The following KCNT2 variants were observed in gnomAD, a reference collection of about 807,000 sequenced individuals.
KCNT2 encodes potassium sodium-activated channel subfamily T member 2, also known as potassium channel subfamily T member 2.
KCNT2 carries 67 observed loss-of-function variants against 153.8 expected under a neutral mutation model. The observed-to-expected ratio is 0.44, with a 90% CI of 0.36 to 0.53. KCNT2 has a LOEUF of 0.53. KCNT2 is among the 20% of genes least tolerant of loss of function. KCNT2 has a pLI of 0.00. For missense variants in KCNT2, 975 were observed against 1,354.8 expected, an observed-to-expected ratio of 0.72 and a Z score of 4.40; for synonymous variants, 500 against 458.8, an observed-to-expected ratio of 1.09 and a Z score of -1.15.
chr1:196,420,571 A>G (rs1024136787), intron 12 of KCNT2, among the ~76,000 whole-genome samples: 5 of 151,912 alleles, frequency 3.3e-5, no homozygotes, highest in African/African-American at 1.2e-4. Flanking sequence ...GGGGAACACC[A>G]GGTTTCATAT....
chr1:196,247,996 T>A (rs1006862047), intron 26 of KCNT2, among the ~76,000 whole-genome samples: 2 of 152,116 alleles, frequency 1.3e-5, no homozygotes, highest in African/African-American at 4.8e-5. Flanking sequence ...ACAAGAGAAC[T>A]ATGAAAACTA....
chr1:196,517,717 T>G (rs1413947023), intron 1 of KCNT2, among the ~76,000 whole-genome samples: 1 of 151,022 alleles, frequency 6.6e-6, no homozygotes, highest in Non-Finnish European at 1.5e-5. Flanking sequence ...CAGACAAAAA[T>G]AAAGAAAAAA....
intron 25 of KCNT2, among the ~76,000 whole-genome samples, chr1:196,278,133 T>G (rs1053120306): frequency 2.0e-5 from 3 of 152,146 alleles, no homozygotes; most frequent in African/African-American, 7.2e-5. Context: ...CTTTCATGTA[T>G]CAGACCATAA....
chr1:196,424,604 A>C (rs1207302603), intron 11 of KCNT2, among the ~76,000 whole-genome samples: 1 of 151,992 alleles, frequency 6.6e-6, no homozygotes, highest in East Asian at 1.9e-4. Flanking sequence ...AAAAGATGAA[A>C]ATACTCACAA....
At chr1:196,258,039 T>G in intron 26 of KCNT2, 155 bp downstream of exon 26, 2 of 1,426,272 alleles carry the variant, frequency 1.4e-6, no homozygotes, top group Non-Finnish European at 1.8e-6. Context: ...TCATCATCAT[T>G]TAAATTTTCT....
intron 12 of KCNT2, among the ~76,000 whole-genome samples, chr1:196,403,763 A>G (rs1671611068): frequency 6.6e-6 from 1 of 151,554 alleles, no homozygotes; most frequent in Non-Finnish European, 1.5e-5. Flanking sequence ...ATTTTTTTAA[A>G]AAGTAAGTGA....
At chr1:196,382,046 G>T (rs1011556131) in intron 13 of KCNT2, among the ~76,000 whole-genome samples, 1 of 146,820 alleles carries the variant, frequency 6.8e-6, no homozygotes, top group South Asian at 2.2e-4. Flanking sequence ...CTGAGGGAAT[G>T]AAAAAAGCCT....
At chr1:196,289,121 T>G (rs1659950667) in intron 22 of KCNT2, among the ~76,000 whole-genome samples, 1 of 152,074 alleles carries the variant, frequency 6.6e-6, no homozygotes, top group Admixed American at 6.6e-5. Context: ...TTGAATATGC[T>G]AAATTATATA....
intron 1 of KCNT2, among the ~76,000 whole-genome samples, chr1:196,535,052 G>A (rs1296698848): frequency 6.6e-6 from 1 of 152,048 alleles, no homozygotes; most frequent in Admixed American, 6.6e-5. Context: ...ATTATTTAAT[G>A]TGAACAAAGT....
intron 1 of KCNT2, among the ~76,000 whole-genome samples, chr1:196,501,758 TTAAAAA>T (rs1284879254): frequency 6.6e-6 from 1 of 152,054 alleles, no homozygotes; most frequent in East Asian, 1.9e-4. Context: ...TAAAAGTAAA[TTAAAAA>T]TAAAAAAGAA....
At chr1:196,554,844 A>G (rs1216226345) in intron 1 of KCNT2, among the ~76,000 whole-genome samples, 1 of 151,340 alleles carries the variant, frequency 6.6e-6, no homozygotes, top group East Asian at 1.9e-4. Context: ...TATGCAAATC[A>G]ATCAATGCGA....
intron 16 of KCNT2, among the ~76,000 whole-genome samples, chr1:196,338,618 G>T (rs1396199479): frequency 6.6e-6 from 1 of 151,936 alleles, no homozygotes; most frequent in Non-Finnish European, 1.5e-5. Context: ...TATAAAGCAG[G>T]TGATTTGTTC....
intron 24 of KCNT2, among the ~76,000 whole-genome samples, chr1:196,281,597 G>C (rs1312369980): frequency 1.3e-5 from 2 of 152,226 alleles, no homozygotes; most frequent in Middle Eastern, 3.4e-3. Flanking sequence ...TTTGCTTCTT[G>C]TAAATCTGAA....
chr1:196,429,571 G>A lies in KCNT2; in HGVS notation c.819+6C>T, dbSNP rs1673958033. 6.3e-7 allele frequency: 1 copy of A among 1,588,260 alleles called. No individual in the cohort carries two copies. Among genetic ancestry groups the A allele is most frequent in the Non-Finnish European group, 8.6e-7 (1 of 1,168,454 alleles). On this transcript the variant is annotated splice_donor_region_variant and intron_variant, in intron 9 of 27. Coordinates refer to ENST00000294725, the MANE Select transcript of KCNT2 (RefSeq NM_198503.5). ...TTTCTATGCAATATAAGATGGTTTT[G>A]TTTACCTGTATGGGTAGAACCACAA...
At chr1:196,307,266 A>T (rs1002443850) in intron 21 of KCNT2, among the ~76,000 whole-genome samples, 3 of 151,902 alleles carry the variant, frequency 2.0e-5, no homozygotes, top group Admixed American at 6.6e-5. Context: ...AGTTTTTAAA[A>T]TTTTTCTGAT....
intron 13 of KCNT2, among the ~76,000 whole-genome samples, chr1:196,388,889 T>G (rs1434233322): frequency 1.3e-5 from 2 of 151,636 alleles, no homozygotes; most frequent in African/African-American, 4.8e-5. Flanking sequence ...ATTTGCCTTA[T>G]TGCACAGGTT....
intron 26 of KCNT2, among the ~76,000 whole-genome samples, chr1:196,246,144 A>C (rs149870879): frequency 2.6e-3 from 393 of 152,308 alleles, no homozygotes; most frequent in African/African-American, 9.1e-3. Flanking sequence ...ATCTGGGAGC[A>C]GACTTCTCAG....
rs1157095442 is a variant in KCNT2 at position 196,225,791 on chromosome 1, G to T, written c.*2433C>A. ...AAAAAATCAAGAGTTTTCATCATTAGAAATAATTTTATTATTTATTTTAAA... is the reference window on the plus strand; with the variant it reads ...AAAAAATCAAGAGTTTTCATCATTATAAATAATTTTATTATTTATTTTAAA... On this transcript the variant is annotated 3_prime_UTR_variant, in exon 28 of 28. Transcript: ENST00000294725. 6.6e-6 allele frequency: 1 copy of T among 152,072 alleles called. No individual in the cohort carries two copies. The highest frequency in any genetic ancestry group is 1.9e-4 in the East Asian group (1 of 5,196). The allele number at this position is 152,072 out of a possible 1,614,324, so 9.4% of individuals were successfully genotyped here. A position where few individuals can be genotyped will look rare whatever the true frequency, so the allele number is the denominator to read the frequency against.
chr1:196,377,194 T>C (rs1442531645), intron 13 of KCNT2, among the ~76,000 whole-genome samples: 10 of 151,826 alleles, frequency 6.6e-5, no homozygotes, highest in Admixed American at 6.6e-4. Context: ...AGAATGGAAA[T>C]TACAGAAACA....
Sources: allele counts gnomAD v4.1 joint callset (sites outside exome capture counted in the v4.1 genomes callset), GRCh38; gene constraint gnomAD v4.1.1; transcripts MANE v1.5; gene names NCBI Gene and HGNC (gene_info 2026-07-23, HGNC 2026-07-21).